METTL16: variants seen among roughly 807,000 people sequenced by gnomAD.
METTL16 encodes the protein methyltransferase 16, RNA N6-adenosine.
A neutral mutation model predicts 57.9 loss-of-function variants in METTL16; 19 were observed. The ratio of observed to expected loss-of-function variants is 0.33; its 90% CI spans 0.23 to 0.48. METTL16 has a LOEUF of 0.48. Ranked by LOEUF, METTL16 falls within the 20% of genes least tolerant of loss-of-function variation. The probability of loss-of-function intolerance (pLI) is 0.99; values close to 1 mark genes in which losing one functional copy is unlikely to be tolerated. For synonymous variants in METTL16, 246 were observed against 255.6 expected, an observed-to-expected ratio of 0.96 and a Z score of 0.36; for missense variants, 434 against 691.5, an observed-to-expected ratio of 0.63 and a Z score of 4.18.
rs185829898 is a variant in METTL16 at position 2,493,279 on chromosome 17, T to C, written c.128+8925A>G. Among the ~76,000 whole-genome samples, 146 of 151,570 alleles carry C rather than the reference T, an allele frequency of 9.6e-4. No individual in the cohort carries two copies. The Middle Eastern group carries it at 0.01, about 11-fold the overall frequency. ...AATTTTTTTGTATTTTTAGTAGAGA[T>C]GGGGTTTCACTGTGTTAGCCAGGAT... On this transcript the variant is annotated intron_variant, in intron 2 of 9. Transcript: ENST00000263092.
At chr17:2,441,638 G>A (rs1271034535) in intron 6 of METTL16, 79 bp from the exon 7 acceptor site, 6 of 803,358 alleles carry the variant, frequency 7.5e-6, no homozygotes, top group African/African-American at 1.8e-5. Context: ...AAGTGAATAA[G>A]ATGAGAACAG....
rs565984099 is a variant in METTL16, at chr17:2,464,410, T to C, written c.586-60A>G. 4.0e-5 allele frequency: 59 copies of C among 1,480,282 alleles called. No homozygotes were observed. The African/African-American group carries it at 7.3e-4, about 18-fold the overall frequency. 91.7% of individuals were successfully genotyped at this position (1,480,282 alleles called of 1,614,324 possible). ...GTACACCCCAAGAACCAAGTTTGAATGTAATCTATCTCTAAGTTAGAATGT... is the reference window on the plus strand; with the variant it reads ...GTACACCCCAAGAACCAAGTTTGAACGTAATCTATCTCTAAGTTAGAATGT... On this transcript the variant is annotated intron_variant, in intron 5 of 9. Transcript: ENST00000263092.
chr17:2,505,054 T>C (rs1028944383), intron 1 of METTL16, among the ~76,000 whole-genome samples: 12 of 152,060 alleles, frequency 7.9e-5, no homozygotes, highest in Admixed American at 2.6e-4. Flanking sequence ...CAACAAGAAA[T>C]AAAAGCAAAT....
intron 8 of METTL16, among the ~76,000 whole-genome samples, chr17:2,437,706 C>A (rs1315809156): frequency 6.6e-6 from 1 of 151,950 alleles, no homozygotes; most frequent in Non-Finnish European, 1.5e-5. Flanking sequence ...AGTGCCACCA[C>A]GCCCAGCTAA....
chr17:2,506,563 C>T (rs2067537310), intron 1 of METTL16, among the ~76,000 whole-genome samples: 1 of 151,470 alleles, frequency 6.6e-6, no homozygotes, highest in Non-Finnish European at 1.5e-5. Flanking sequence ...GCCGGGATGG[C>T]AGACGGAGTT....
chr17:2,443,790 C>T (rs2066971845), intron 6 of METTL16, among the ~76,000 whole-genome samples: 1 of 152,142 alleles, frequency 6.6e-6, no homozygotes, highest in African/African-American at 2.4e-5. Context: ...TGAGCCACCG[C>T]ACCTGGCCTT....
rs147191606 is a variant in METTL16 at position 2,427,422 on chromosome 17, G to A, written c.889-6518C>T. Among the ~76,000 whole-genome samples the A allele has an allele frequency of 1.5e-3, 235 of 152,198 alleles. 8 individuals are homozygous for A. The East Asian group carries it at 0.039, about 25-fold the overall frequency. On this transcript the variant is annotated intron_variant, in intron 8 of 9. Transcript: ENST00000263092. ...CATGCAGAAAATTCAGAGTGGAAAC[G>A]TTCCAAATGACTTTGAAATCCATCA...
intron 2 of METTL16, among the ~76,000 whole-genome samples, chr17:2,478,297 A>G (rs147967944): frequency 6.6e-6 from 1 of 152,354 alleles, no homozygotes; most frequent in East Asian, 1.9e-4. Context: ...CTGGTGCATA[A>G]TAACTATTTT....
At chr17:2,421,977 T>G (rs1042298064) in intron 8 of METTL16, among the ~76,000 whole-genome samples, 1 of 152,084 alleles carries the variant, frequency 6.6e-6, no homozygotes, top group Non-Finnish European at 1.5e-5. Context: ...GAAGGTGAAT[T>G]ATACCCTACC....
At chr17:2,430,144 G>A (rs1597439458) in intron 8 of METTL16, among the ~76,000 whole-genome samples, 1 of 151,592 alleles carries the variant, frequency 6.6e-6, no homozygotes, top group East Asian at 1.9e-4. Context: ...ACAAAGTCTT[G>A]CTCTGTCACC....
At chr17:2,421,262 G>A (rs1249873507) in intron 8 of METTL16, among the ~76,000 whole-genome samples, 1 of 152,162 alleles carries the variant, frequency 6.6e-6, no homozygotes, top group African/African-American at 2.4e-5. Context: ...AGCAGAGGAG[G>A]GAGGATCATT....
At chr17:2,477,051 G>T (rs1449143956) in intron 3 of METTL16, among the ~76,000 whole-genome samples, 1 of 149,952 alleles carries the variant, frequency 6.7e-6, no homozygotes, top group Non-Finnish European at 1.5e-5. Context: ...AATCTGAAAA[G>T]CTAAATAGGG....
chr17:2,460,614 G>C (rs928296085), intron 6 of METTL16, among the ~76,000 whole-genome samples: 24 of 152,158 alleles, frequency 1.6e-4, no homozygotes, highest in Non-Finnish European at 1.5e-5. Flanking sequence ...GGTTGGGCGC[G>C]GTGGCTCACG....
chr17:2,446,416 T>C (rs989068906), intron 6 of METTL16, among the ~76,000 whole-genome samples: 6 of 152,200 alleles, frequency 3.9e-5, no homozygotes, highest in Non-Finnish European at 1.5e-5. Context: ...GAAAATTCCA[T>C]GAAATCTAGG....
chr17:2,448,241 T>C, intron 6 of METTL16, among the ~76,000 whole-genome samples: 1 of 118,154 alleles, frequency 8.5e-6, no homozygotes, highest in African/African-American at 3.1e-5. Flanking sequence ...GTCTGGGAGG[T>C]GTGCCCAGCG....
intron 6 of METTL16, among the ~76,000 whole-genome samples, chr17:2,455,638 C>T (rs754037933): frequency 6.6e-6 from 1 of 152,128 alleles, no homozygotes; most frequent in Non-Finnish European, 1.5e-5. Flanking sequence ...AACTAAGCAT[C>T]ATACCTGAGT....
At chr17:2,485,730 A>G (rs534661306) in intron 2 of METTL16, among the ~76,000 whole-genome samples, 32 of 152,320 alleles carry the variant, frequency 2.1e-4, no homozygotes, top group Non-Finnish European at 4.0e-4. Flanking sequence ...GCAAAATGCT[A>G]GGGATATTGC....
intron 6 of METTL16, among the ~76,000 whole-genome samples, chr17:2,448,795 TAAAATTTA>T (rs2067042419): frequency 1.4e-4 from 5 of 36,828 alleles, no homozygotes; most frequent in Non-Finnish European, 2.0e-4. Flanking sequence ...AAAATAAAAA[TAAAATTTA>T]AAAAAAAAAA....
chr17:2,477,380 A>C, intron 3 of METTL16: 1 of 276,172 alleles, frequency 3.6e-6, no homozygotes, highest in Non-Finnish European at 7.0e-6. Context: ...GCTTGGGATG[A>C]GAAGTGTTTT....
Sources: gnomAD v4.1 joint callset for allele counts (sites outside exome capture counted in the v4.1 genomes callset) on GRCh38, gnomAD v4.1.1 for gene constraint, MANE v1.5 for transcripts, NCBI Gene and HGNC (gene_info 2026-07-23, HGNC 2026-07-21) for gene names.